The following CCDC12 variants were observed in gnomAD, a reference collection of about 807,000 sequenced individuals.
CCDC12 encodes the protein coiled-coil domain containing 12.
Under a neutral mutation model 25.7 loss-of-function variants are expected in CCDC12, and 28 were observed. The ratio of observed to expected loss-of-function variants is 1.09; its 90% CI spans 0.81 to 1.50. The LOEUF (loss-of-function observed/expected upper bound fraction) is 1.50, where lower values mean the gene tolerates loss of function less well. CCDC12 is among the 40% of genes most tolerant of loss of function. CCDC12 has a pLI of 0.00. For synonymous variants in CCDC12, 75 were observed against 87.7 expected (o/e 0.86, Z 0.81); for missense variants, 198 against 210.0 (o/e 0.94, Z 0.35).
In CCDC12 at chr3:46,981,750, G is replaced by A. The variant is rs1575577233; in HGVS notation, c.-73+182C>T. Among the ~76,000 whole-genome samples, 4 of 152,282 alleles carry A rather than the reference G, an allele frequency of 2.6e-5. No homozygotes were observed. In the South Asian group the frequency reaches 8.3e-4, roughly 32 times the overall value. On this transcript the variant is annotated intron_variant, in intron 1 of 7. Coordinates refer to the CCDC12 transcript ENST00000292314. The stretch of plus-strand genomic sequence containing the variant: ...GTGAGTGTGAGGGATGTTAATGATA[G>A]GTCTTCAGCCTGGGTGGCAGGCTGC...
Position 46,942,514 on chromosome 3 carries a change from C to T in CCDC12, c.97-1449G>A, listed in dbSNP as rs569369225. On this transcript the variant is annotated intron_variant, in intron 1 of 6. Transcript: ENST00000683445. ...AGCTACTTGAACTACCTTTCCTAGA[C>T]ATTTATTTATGCCATTGACAACTGC... 8.5e-5 allele frequency among the ~76,000 whole-genome samples: 13 copies of T among 152,336 alleles called. No individual in the cohort carries two copies. The South Asian group carries it at 2.5e-3, about 29-fold the overall frequency.
intron 1 of CCDC12, among the ~76,000 whole-genome samples, chr3:46,948,093 A>T (rs1005988931): frequency 7.9e-5 from 12 of 152,196 alleles, no homozygotes; most frequent in African/African-American, 2.7e-4. Flanking sequence ...TCCTTATCAG[A>T]TGTTCTCAGC....
At chr3:46,932,131 A>G (rs2033252309) in intron 2 of CCDC12, among the ~76,000 whole-genome samples, 1 of 152,192 alleles carries the variant, frequency 6.6e-6, no homozygotes, top group African/African-American at 2.4e-5. Context: ...AAGGGCCATT[A>G]AAATGTTCAA....
intron 1 of CCDC12, among the ~76,000 whole-genome samples, chr3:46,975,493 T>G (rs530152062): frequency 4.3e-4 from 65 of 151,632 alleles, no homozygotes; most frequent in African/African-American, 1.5e-3. Context: ...TCCCAATTTC[T>G]AAGGCCCACC....
chr3:46,963,435 CT>C (rs375576541), intron 1 of CCDC12, among the ~76,000 whole-genome samples: 1 of 9,916 alleles, frequency 1.0e-4, no homozygotes, highest in South Asian at 4.9e-3. Flanking sequence ...TCTCCCTCTC[CT>C]CACGGTCTCC....
intron 2 of CCDC12, among the ~76,000 whole-genome samples, chr3:46,930,031 CAAAAAAAAAAA>C (rs145507739): frequency 1.3e-4 from 5 of 39,902 alleles, no homozygotes; most frequent in Admixed American, 3.0e-4. Flanking sequence ...GACCCCATCT[CAAAAAAAAAAA>C]AAAAAAAAAA....
At chr3:46,927,185 T>TC (rs1050916315) in intron 2 of CCDC12, among the ~76,000 whole-genome samples, 2 of 152,032 alleles carry the variant, frequency 1.3e-5, no homozygotes, top group African/African-American at 4.8e-5. Flanking sequence ...CCACCTGCAC[T>TC]CCCAGAAGGC....
chr3:46,939,002 A>G (rs1468435929), intron 2 of CCDC12, among the ~76,000 whole-genome samples: 1 of 152,052 alleles, frequency 6.6e-6, no homozygotes, highest in African/African-American at 2.4e-5. Context: ...ACACTGTATC[A>G]CACGCCTGCT....
At chr3:46,945,299 C>A (rs538189484) in intron 1 of CCDC12, among the ~76,000 whole-genome samples, 2 of 152,242 alleles carry the variant, frequency 1.3e-5, no homozygotes, top group Non-Finnish European at 2.9e-5. Flanking sequence ...ACCTCAGGAA[C>A]GCTGATGGCT....
At chr3:46,950,927 C>T (rs2034092447) in intron 1 of CCDC12, among the ~76,000 whole-genome samples, 1 of 152,120 alleles carries the variant, frequency 6.6e-6, no homozygotes, top group African/African-American at 2.4e-5. Flanking sequence ...TGCATGATCT[C>T]ACTTATATGT....
At chr3:46,976,499 T>TCTCGCGCATGCGTTAGCG (rs2034997527) in intron 1 of CCDC12, 138 bp downstream of exon 1, 2 of 1,437,356 alleles carry the variant, frequency 1.4e-6, no homozygotes, top group Non-Finnish European at 1.8e-6. Context: ...GGCGCCGTCT[T>TCTCGCGCATGCGTTAGCG]CTCGCGCATG....
chr3:46,950,965 C>A (rs908550455), intron 1 of CCDC12, among the ~76,000 whole-genome samples: 1 of 152,010 alleles, frequency 6.6e-6, no homozygotes, highest in African/African-American at 2.4e-5. Flanking sequence ...AACTGGCCAG[C>A]CACAGTGGCT....
At chr3:46,943,935 T>C (rs1334910460) in intron 1 of CCDC12, among the ~76,000 whole-genome samples, 3 of 152,154 alleles carry the variant, frequency 2.0e-5, no homozygotes, top group African/African-American at 7.2e-5. Context: ...TACCTCAGCC[T>C]TCCTGACAAA....
chr3:46,946,128 G>A (rs1418568754), intron 1 of CCDC12, among the ~76,000 whole-genome samples: 1 of 152,230 alleles, frequency 6.6e-6, no homozygotes, highest in African/African-American at 2.4e-5. Flanking sequence ...GGAGGAAGAA[G>A]AGAGGCTGCT....
upstream of CCDC12, among the ~76,000 whole-genome samples, chr3:46,981,708 G>A (rs982835279): frequency 2.0e-5 from 3 of 152,250 alleles, no homozygotes; most frequent in South Asian, 4.1e-4. Flanking sequence ...GCAGGTAAAG[G>A]GGGCTTAAAC....
intron 3 of CCDC12, 37 bp downstream of exon 3, chr3:46,925,419 G>C (rs760996625): frequency 2.4e-5 from 37 of 1,573,888 alleles, no homozygotes; most frequent in Non-Finnish European, 3.2e-5. Context: ...GGCTGACAGT[G>C]CCAGGAAGCA....
At chr3:46,957,414 AT>A (rs796296386) in intron 1 of CCDC12, among the ~76,000 whole-genome samples, 43 of 149,696 alleles carry the variant, frequency 2.9e-4, no homozygotes, top group East Asian at 1.2e-3. Context: ...CTTTTTAATT[AT>A]TTTTTTTTTC....
At chr3:46,975,553 CGGA>C (rs1369563415) in intron 1 of CCDC12, among the ~76,000 whole-genome samples, 1 of 99,888 alleles carries the variant, frequency 1.0e-5, no homozygotes, top group Non-Finnish European at 1.9e-5. Flanking sequence ...TTTTTTGAGA[CGGA>C]GTCTCGCTCT....
chr3:46,949,601 G>A (rs960973119), intron 1 of CCDC12, among the ~76,000 whole-genome samples: 8 of 152,208 alleles, frequency 5.3e-5, no homozygotes, highest in African/African-American at 1.7e-4. Flanking sequence ...CCAGTGGTGG[G>A]ACCTCCCTGA....
Sources: allele counts gnomAD v4.1 joint callset (sites outside exome capture counted in the v4.1 genomes callset), GRCh38; gene constraint gnomAD v4.1.1; transcripts MANE v1.5; gene names NCBI Gene and HGNC (gene_info 2026-07-23, HGNC 2026-07-21).